CARF: variants seen among roughly 807,000 people sequenced by gnomAD.
CARF encodes the protein calcium responsive transcription factor.
A neutral mutation model predicts 82.0 loss-of-function variants in CARF; 57 were observed. The observed-to-expected ratio is 0.70, with a 90% confidence interval of 0.56 to 0.87. The LOEUF (loss-of-function observed/expected upper bound fraction) is 0.87. Among genes scored for constraint, CARF ranks in the 40% least tolerant of loss-of-function variants. The probability of loss-of-function intolerance (pLI) is 0.00; values close to 1 mark genes in which losing one functional copy is unlikely to be tolerated. For synonymous variants in CARF, 268 were observed against 290.1 expected (o/e 0.92, Z 0.77); for missense variants, 771 against 855.8 (o/e 0.90, Z 1.24).
intron 12 of CARF, among the ~76,000 whole-genome samples, chr2:202,973,295 T>G (rs975033434): frequency 6.6e-6 from 1 of 152,212 alleles, no homozygotes; most frequent in African/African-American, 2.4e-5. Flanking sequence ...GTAAAGCCAT[T>G]CACTATTTAC....
intron 7 of CARF, among the ~76,000 whole-genome samples, chr2:202,955,001 G>A (rs553056739): frequency 1.1e-4 from 16 of 151,162 alleles, no homozygotes; most frequent in Non-Finnish European, 1.9e-4. Context: ...GTGACAGAGC[G>A]AGACGCTGTC....
chr2:202,932,730 C>T (rs558623159), intron 3 of CARF, among the ~76,000 whole-genome samples: 6 of 152,030 alleles, frequency 3.9e-5, no homozygotes, highest in African/African-American at 1.4e-4. Flanking sequence ...GTGTAGGGAA[C>T]AGCATAGCAA....
chr2:202,963,812 G>A (rs1172514934), intron 9 of CARF, among the ~76,000 whole-genome samples: 1 of 152,128 alleles, frequency 6.6e-6, no homozygotes, highest in African/African-American at 2.4e-5. Context: ...GTGTTTCTAT[G>A]AGAATCTAAT....
chr2:202,941,731 T>C (rs540385100), intron 3 of CARF, 129 bp from the exon 4 acceptor site: 35 of 475,562 alleles, frequency 7.4e-5, no homozygotes, highest in African/African-American at 5.7e-4. Flanking sequence ...TTTTAATCTA[T>C]AGAATGGAAT....
At position 202,986,867 on chromosome 2, in the gene CARF, CGTATATATATATATATATATAT is replaced by C. The variant is rs1377602497; in HGVS notation, c.*3244_*3265del. 1.6e-4 allele frequency: 9 copies of C among 56,702 alleles called. No homozygotes were observed. The highest frequency in any genetic ancestry group is 5.5e-4 in the South Asian group (1 of 1,810). The allele number at this position is 56,702 out of a possible 1,614,324, so 3.5% of individuals were successfully genotyped here. ...AAAAGAGGTTTAAAAAATGTCTGTG[CGTATATATATATATATATATAT>C]ATATATATATATATATATAGCAACT... On this transcript the variant is annotated 3_prime_UTR_variant, in exon 17 of 17. Transcript: ENST00000438828.
chr2:202,953,882 C>T (rs994570513), intron 6 of CARF, 123 bp from the exon 7 acceptor site: 1 of 704,976 alleles, frequency 1.4e-6, no homozygotes, highest in Non-Finnish European at 2.1e-6. Context: ...AGCATTATTC[C>T]TTTACTCTCA....
At chr2:202,970,730 C>G (rs1030374871) in intron 11 of CARF, among the ~76,000 whole-genome samples, 9 of 152,094 alleles carry the variant, frequency 5.9e-5, no homozygotes, top group African/African-American at 2.2e-4. Flanking sequence ...AAAATTAGAT[C>G]CTGCAGTTTG....
Position 202,986,621 on chromosome 2 carries a change from G to A in CARF, c.*2997G>A, listed in dbSNP as rs546092951. ...TAGTGATTTTTTGTACAAACAGTTAGTATAATTAAAAGGAAAAGCTTTTAT... is the reference window on the plus strand; with the variant it reads ...TAGTGATTTTTTGTACAAACAGTTAATATAATTAAAAGGAAAAGCTTTTAT... On this transcript the variant is annotated 3_prime_UTR_variant, in exon 17 of 17. Coordinates refer to ENST00000438828, the MANE Select transcript of CARF (RefSeq NM_024744.17). 6 of 149,216 alleles carry A rather than the reference G, an allele frequency of 4.0e-5. No homozygotes were observed. In the East Asian group the frequency reaches 9.7e-4, roughly 24 times the overall value. 9.2% of individuals were successfully genotyped at this position (149,216 alleles called of 1,614,324 possible).
chr2:202,939,592 TAC>T (rs995500639), intron 3 of CARF, among the ~76,000 whole-genome samples: 49 of 152,230 alleles, frequency 3.2e-4, no homozygotes, highest in African/African-American at 1.1e-3. Context: ...TTTGCTGTGA[TAC>T]AGTCTAGATA....
rs183195215 is a variant in CARF, at chr2:202,961,539, C to G, written c.832+113C>G. 2,917 of 866,610 alleles carry G rather than the reference C, an allele frequency of 3.4e-3. 9 individuals are homozygous for G. The highest frequency in any genetic ancestry group is 4.1e-3 in the Non-Finnish European group (2,276 of 548,806). 53.7% of individuals were successfully genotyped at this position (866,610 alleles called of 1,614,324 possible). A position where few individuals can be genotyped will look rare whatever the true frequency, so the allele number is the denominator to read the frequency against. On this transcript the variant is annotated intron_variant, in intron 9 of 16. Transcript: ENST00000438828. ...TATTTTGGTAGCTGACAATTGAATGCTAATTGATTAAAATGCATATTAAAT... is the reference window on the plus strand; with the variant it reads ...TATTTTGGTAGCTGACAATTGAATGGTAATTGATTAAAATGCATATTAAAT...
intron 3 of CARF, among the ~76,000 whole-genome samples, chr2:202,932,650 A>G (rs1693147227): frequency 6.6e-6 from 1 of 151,626 alleles, no homozygotes; most frequent in African/African-American, 2.4e-5. Context: ...GGCCAGTTGC[A>G]GCAGCAGCAG....
chr2:202,933,678 G>A (rs954818103), intron 3 of CARF, among the ~76,000 whole-genome samples: 9 of 152,262 alleles, frequency 5.9e-5, no homozygotes, highest in African/African-American at 2.2e-4. Flanking sequence ...TTGTTAAAAT[G>A]TAGTTGTTTA....
intron 3 of CARF, among the ~76,000 whole-genome samples, chr2:202,928,164 C>T (rs1030774071): frequency 2.9e-4 from 44 of 152,254 alleles, no homozygotes; most frequent in African/African-American, 9.9e-4. Flanking sequence ...AACCATTATT[C>T]TACTCCCTAC....
rs376868056 is a variant in CARF at position 202,982,320 on chromosome 2, C to T, written c.1938C>T (p.Asp646=). Reference sequence around the variant, plus strand: ...CAGATCAAAATCTAGTTGCAATGGACGAGCTGGTAGAAGTTGGAGATGTTG... The same window carrying T: ...CAGATCAAAATCTAGTTGCAATGGATGAGCTGGTAGAAGTTGGAGATGTTG... The part of the protein sequence containing the change: ...PEPDQNLVAM[D]ELVEVGDVED... Residue 646 remains aspartate (D), a synonymous_variant, in exon 16 of 17, where the codon GAC becomes GAT. Coordinates refer to ENST00000438828, the MANE Select transcript of CARF (RefSeq NM_024744.17). 74 of 1,613,920 alleles carry T rather than the reference C, an allele frequency of 4.6e-5. No homozygotes were observed. Among genetic ancestry groups the T allele is most frequent in the East Asian group, 3.3e-4 (15 of 44,880 alleles).
chr2:202,912,290 T>G lies in CARF; in HGVS notation c.-1142T>G, dbSNP rs1003640219. On this transcript the variant is annotated 5_prime_UTR_variant, in exon 1 of 17. Transcript: ENST00000438828. ...GGTGGGGCGCGCCTGCGCATTATGC[T>G]GGTCTCCATGGCGGGGCCTCGGAGC... 1 of 152,304 alleles carries G rather than the reference T, an allele frequency of 6.6e-6. No homozygotes were observed. The highest frequency in any genetic ancestry group is 6.5e-5 in the Admixed American group (1 of 15,290). 9.4% of individuals were successfully genotyped at this position (152,304 alleles called of 1,614,324 possible).
intron 10 of CARF, among the ~76,000 whole-genome samples, 196 bp from the exon 11 acceptor site, chr2:202,969,723 T>G (rs1009543730): frequency 2.0e-5 from 3 of 152,294 alleles, no homozygotes; most frequent in African/African-American, 7.2e-5. Context: ...TATTTTTAAA[T>G]AATGTTTACT....
chr2:202,974,274 TG>T lies in CARF; in HGVS notation c.1332-59del, dbSNP rs548042045. ...ACTGAAAGAGAACCTTTCTGTCTTTTGATCTAAAGGCATATTGCTAAATGGT... is the reference window on the plus strand; with the variant it reads ...ACTGAAAGAGAACCTTTCTGTCTTTTATCTAAAGGCATATTGCTAAATGGT... On this transcript the variant is annotated intron_variant, in intron 12 of 16. Coordinates refer to ENST00000438828, the MANE Select transcript of CARF (RefSeq NM_024744.17). 2.9e-3 allele frequency: 3,611 copies of T among 1,229,288 alleles called. 10 individuals carry two copies. The highest frequency in any genetic ancestry group is 3.6e-3 in the Non-Finnish European group (3,219 of 901,634). 76.1% of individuals were successfully genotyped at this position (1,229,288 alleles called of 1,614,324 possible).
chr2:202,926,571 T>A (rs746975025), intron 3 of CARF, among the ~76,000 whole-genome samples: 25 of 152,222 alleles, frequency 1.6e-4, no homozygotes, highest in Non-Finnish European at 2.4e-4. Flanking sequence ...CCAAAGTTGT[T>A]TTGGCTGTTC....
chr2:202,975,783 G>A (rs1471700200), intron 13 of CARF, among the ~76,000 whole-genome samples: 1 of 152,138 alleles, frequency 6.6e-6, no homozygotes, highest in African/African-American at 2.4e-5. Context: ...GTTGGCTCAT[G>A]CCTATAATCC....
Sources: gnomAD v4.1 joint callset for allele counts (sites outside exome capture counted in the v4.1 genomes callset) on GRCh38, gnomAD v4.1.1 for gene constraint, MANE v1.5 for transcripts, NCBI Gene and HGNC (gene_info 2026-07-23, HGNC 2026-07-21) for gene names.